The following SLC16A7 variants were observed in gnomAD, a reference collection of about 807,000 sequenced individuals.
SLC16A7 encodes the protein monocarboxylate transporter 2.
A neutral mutation model predicts 34.9 loss-of-function variants in SLC16A7; 33 were observed. That is an observed-to-expected ratio of 0.94 (90% CI 0.72 to 1.26). SLC16A7 has a LOEUF of 1.26. Ranked by LOEUF, SLC16A7 falls within the 50% of genes most tolerant of loss-of-function variation. SLC16A7 has a pLI of 0.00. For synonymous variants in SLC16A7, 201 were observed against 206.6 expected (o/e 0.97, Z 0.23); for missense variants, 573 against 578.1 (o/e 0.99, Z 0.09).
intron 1 of SLC16A7, among the ~76,000 whole-genome samples, chr12:59,639,366 A>C (rs1880572246): frequency 1.3e-5 from 2 of 152,138 alleles, no homozygotes; most frequent in South Asian, 4.1e-4. Flanking sequence ...AAAGGAAAAA[A>C]GAAAACTACT....
chr12:59,763,282 G>A (rs1233099845), intron 3 of SLC16A7, among the ~76,000 whole-genome samples: 1 of 152,046 alleles, frequency 6.6e-6, no homozygotes, highest in African/African-American at 2.4e-5. Context: ...GGTACGTGCT[G>A]AGTAACTTGT....
At chr12:59,755,119 C>T (rs1212341571) in intron 3 of SLC16A7, among the ~76,000 whole-genome samples, 1 of 151,852 alleles carries the variant, frequency 6.6e-6, no homozygotes, top group Non-Finnish European at 1.5e-5. Flanking sequence ...AAAATAAGAG[C>T]TATCTATGAC....
At chr12:59,666,201 T>C (rs1869191849) in intron 2 of SLC16A7, among the ~76,000 whole-genome samples, 1 of 152,168 alleles carries the variant, frequency 6.6e-6, no homozygotes, top group South Asian at 2.1e-4. Context: ...GTCGAGTTGA[T>C]GGTTATTAGT....
chr12:59,663,897 C>T (rs1178964249), intron 2 of SLC16A7, among the ~76,000 whole-genome samples: 1 of 151,926 alleles, frequency 6.6e-6, no homozygotes, highest in East Asian at 1.9e-4. Flanking sequence ...AGAAATGCAG[C>T]CTTCCCAAAT....
intron 2 of SLC16A7, among the ~76,000 whole-genome samples, chr12:59,699,333 G>T (rs1387976474): frequency 6.6e-6 from 1 of 151,508 alleles, no homozygotes; most frequent in African/African-American, 2.4e-5. Context: ...GAACAGAATG[G>T]CTCTAACTAC....
At chr12:59,765,940 T>C (rs1426292313) in intron 3 of SLC16A7, among the ~76,000 whole-genome samples, 1 of 152,112 alleles carries the variant, frequency 6.6e-6, no homozygotes, top group Non-Finnish European at 1.5e-5. Flanking sequence ...GCCATTTTCA[T>C]GATATTGATT....
intron 1 of SLC16A7, among the ~76,000 whole-genome samples, chr12:59,609,519 G>A (rs1404722592): frequency 4.7e-5 from 7 of 148,324 alleles, no homozygotes; most frequent in African/African-American, 1.7e-4. Flanking sequence ...GGGGGGCATA[G>A]GTAGATAGGG....
rs1457479778 is a variant in SLC16A7, at chr12:59,692,084, C to G, written c.-30-12688C>G. On this transcript the variant is annotated intron_variant, in intron 2 of 5. Coordinates refer to ENST00000547379, the MANE Select transcript of SLC16A7 (RefSeq NM_001270623.2). ...CCTTAAAAAGGTTCTATGGGAGACT[C>G]TGTTCCATGCCTCTTCTAGCTTCTG... 3.9e-5 allele frequency among the ~76,000 whole-genome samples: 6 copies of G among 152,128 alleles called. 1 individual carries two copies. Among genetic ancestry groups the G allele is most frequent in the African/African-American group, 1.4e-4 (6 of 41,536 alleles).
chr12:59,659,243 G>A (rs1268722244), intron 2 of SLC16A7, among the ~76,000 whole-genome samples: 1 of 151,918 alleles, frequency 6.6e-6, no homozygotes, highest in African/African-American at 2.4e-5. Context: ...CTCCCACCAT[G>A]GGAAAGTGAA....
At chr12:59,613,067 T>C (rs939564051) in intron 1 of SLC16A7, among the ~76,000 whole-genome samples, 2 of 152,200 alleles carry the variant, frequency 1.3e-5, no homozygotes, top group African/African-American at 4.8e-5. Context: ...CTCGTGCTGC[T>C]ATAAGGACAG....
At chr12:59,739,663 G>T (rs1010058420) in intron 3 of SLC16A7, among the ~76,000 whole-genome samples, 2 of 151,712 alleles carry the variant, frequency 1.3e-5, no homozygotes, top group African/African-American at 4.9e-5. Context: ...CCCACCAACA[G>T]TGTAGAAGTG....
chr12:59,704,176 GGCCACAGAGTGA>G (rs1873230789), intron 2 of SLC16A7, among the ~76,000 whole-genome samples: 1 of 140,692 alleles, frequency 7.1e-6, no homozygotes, highest in African/African-American at 2.7e-5. Context: ...CTCCAACCTG[GGCCACAGAGTGA>G]GACTCTGTCT....
chr12:59,759,810 G>A (rs1358515834), intron 3 of SLC16A7, among the ~76,000 whole-genome samples: 1 of 151,980 alleles, frequency 6.6e-6, no homozygotes, highest in Admixed American at 6.6e-5. Flanking sequence ...TATCTTTTCT[G>A]TGGAATTATT....
chr12:59,703,944 G>T (rs796799125), intron 2 of SLC16A7, among the ~76,000 whole-genome samples: 1 of 151,760 alleles, frequency 6.6e-6, no homozygotes, highest in Non-Finnish European at 1.5e-5. Flanking sequence ...GCTCACACCC[G>T]TAATCCCAAC....
At position 59,647,223 on chromosome 12, in the gene SLC16A7, A is replaced by T. The variant is rs183947123; in HGVS notation, c.-129-7929A>T. Among the ~76,000 whole-genome samples, 61 of 152,078 alleles carry T rather than the reference A, an allele frequency of 4.0e-4. 1 individual carries two copies. The highest frequency in any genetic ancestry group is 7.9e-4 in the Non-Finnish European group (54 of 68,000). ...TTGGCTGTGTCCCTACCCAAATCTCACCTTGAATTGTAGTTCCCATAATCC... is the reference window on the plus strand; with the variant it reads ...TTGGCTGTGTCCCTACCCAAATCTCTCCTTGAATTGTAGTTCCCATAATCC... On this transcript the variant is annotated intron_variant, in intron 1 of 5. Coordinates refer to ENST00000547379, the MANE Select transcript of SLC16A7 (RefSeq NM_001270623.2).
chr12:59,762,056 A>G (rs1318381438), intron 3 of SLC16A7, among the ~76,000 whole-genome samples: 2 of 152,098 alleles, frequency 1.3e-5, no homozygotes, highest in East Asian at 1.9e-4. Context: ...AATGAGTGGT[A>G]TACTTAAGCT....
chr12:59,625,100 T>C lies in SLC16A7; in HGVS notation c.-130+28864T>C, dbSNP rs536860048. ...ATGTACACTTTTTAGATGCTTTCAA[T>C]GGAAGGATTTTTATATTACAAAGGA... On this transcript the variant is annotated intron_variant, in intron 1 of 5. Transcript: ENST00000547379. Among the ~76,000 whole-genome samples, 44 of 151,950 alleles carry C rather than the reference T, an allele frequency of 2.9e-4. No individual in the cohort carries two copies. The South Asian group carries it at 6.4e-3, about 22-fold the overall frequency.
rs953406022 is a variant in SLC16A7, at chr12:59,781,401, G to C, written c.*1722G>C. The C allele has an allele frequency of 6.6e-6, 1 of 152,442 alleles. No homozygotes were observed. Among genetic ancestry groups the C allele is most frequent in the Non-Finnish European group, 1.5e-5 (1 of 67,972 alleles). 9.4% of individuals were successfully genotyped at this position (152,442 alleles called of 1,614,324 possible). A position where few individuals can be genotyped will look rare whatever the true frequency, so the allele number is the denominator to read the frequency against. The stretch of plus-strand genomic sequence containing the variant: ...GGCAGGTGCTATTTTTTTCTGGTGA[G>C]ATTGCACCTGGATACCAGGCTTTTG... On this transcript the variant is annotated 3_prime_UTR_variant, in exon 6 of 6. Transcript: ENST00000547379.
Position 59,685,229 on chromosome 12 carries a change from A to G in SLC16A7, c.-30-19543A>G, listed in dbSNP as rs144485764. 9.9e-5 allele frequency among the ~76,000 whole-genome samples: 15 copies of G among 152,270 alleles called. No homozygotes were observed. In the East Asian group the frequency reaches 1.2e-3, roughly 12 times the overall value. Reference sequence around the variant, plus strand: ...TTTTATTCCATTCAGCACCAACTTCATTATCAGTGTTTAGTGTTTATTATG... The same window carrying G: ...TTTTATTCCATTCAGCACCAACTTCGTTATCAGTGTTTAGTGTTTATTATG... On this transcript the variant is annotated intron_variant, in intron 2 of 5. Transcript: ENST00000547379.
Sources: gnomAD v4.1 joint callset for allele counts (sites outside exome capture counted in the v4.1 genomes callset) on GRCh38, gnomAD v4.1.1 for gene constraint, MANE v1.5 for transcripts, NCBI Gene and HGNC (gene_info 2026-07-23, HGNC 2026-07-21) for gene names.